TGFA: variants seen among roughly 807,000 people sequenced by gnomAD.
The protein encoded by TGFA is protransforming growth factor alpha.
In TGFA, 12 loss-of-function variants were observed where a neutral mutation model predicts 21.7. That is an observed-to-expected ratio of 0.55 (90% CI 0.35 to 0.90). The LOEUF is 0.90. Ranked by LOEUF, TGFA falls within the 40% of genes least tolerant of loss-of-function variation. The pLI is 0.01. For synonymous variants in TGFA, 79 were observed against 88.1 expected (o/e 0.90, Z 0.58); for missense variants, 178 against 210.8 (o/e 0.84, Z 0.96).
At chr2:70,476,997 A>G (rs1670954798) in intron 2 of TGFA, among the ~76,000 whole-genome samples, 1 of 152,044 alleles carries the variant, frequency 6.6e-6, no homozygotes, top group Non-Finnish European at 1.5e-5. Context: ...ATTTTTTTTT[A>G]TAAATTTTCG....
chr2:70,494,360 A>G (rs1175469185), intron 2 of TGFA, among the ~76,000 whole-genome samples: 11 of 152,330 alleles, frequency 7.2e-5, no homozygotes, highest in Non-Finnish European at 1.6e-4. Flanking sequence ...TTGGGGGACC[A>G]CAATTCAGCC....
rs1671165943 is a variant in TGFA at position 70,482,897 on chromosome 2, GT to G, written c.95-17162del. On this transcript the variant is annotated intron_variant, in intron 2 of 5. Transcript: ENST00000295400. ...GCACACCCAGGAGTCCCCCTTCTAG[GT>G]CAATGCGAATACATCAACAAATGTT... 2.0e-5 allele frequency among the ~76,000 whole-genome samples: 3 copies of G among 152,126 alleles called. No homozygotes were observed. The South Asian group carries it at 6.2e-4, about 31-fold the overall frequency.
intron 2 of TGFA, among the ~76,000 whole-genome samples, chr2:70,497,595 C>T (rs1164281433): frequency 1.3e-5 from 2 of 152,190 alleles, no homozygotes; most frequent in Non-Finnish European, 2.9e-5. Flanking sequence ...CATTGCATCC[C>T]AGCCCTGCTA....
chr2:70,478,867 T>C (rs1471027171), intron 2 of TGFA, among the ~76,000 whole-genome samples: 1 of 152,206 alleles, frequency 6.6e-6, no homozygotes, highest in Non-Finnish European at 1.5e-5. Context: ...TGATTTAGAA[T>C]ATAAATACTC....
chr2:70,505,867 GA>G (rs1671908560), intron 2 of TGFA, among the ~76,000 whole-genome samples: 1 of 152,166 alleles, frequency 6.6e-6, no homozygotes, highest in South Asian at 2.1e-4. Flanking sequence ...TACACATTCT[GA>G]TAACGTAATT....
chr2:70,454,141 T>C (rs1553490111), intron 4 of TGFA, among the ~76,000 whole-genome samples: 1 of 152,194 alleles, frequency 6.6e-6, no homozygotes, highest in East Asian at 1.9e-4. Flanking sequence ...AATTCGTATA[T>C]AATTTATGTA....
intron 2 of TGFA, among the ~76,000 whole-genome samples, chr2:70,505,433 C>T: frequency 6.6e-6 from 1 of 152,030 alleles, no homozygotes; most frequent in East Asian, 1.9e-4. Flanking sequence ...TATAGAGGCT[C>T]CTGTGGACTG....
At chr2:70,465,392 C>T (rs11466249) in intron 3 of TGFA, among the ~76,000 whole-genome samples, 7,078 of 152,200 alleles carry the variant, frequency 0.047, 253 homozygotes, top group Admixed American at 0.084. Context: ...TTGAACTTCC[C>T]GGGGTTCTGC....
intron 2 of TGFA, among the ~76,000 whole-genome samples, chr2:70,491,886 C>T (rs1671449248): frequency 6.6e-6 from 1 of 152,180 alleles, no homozygotes; most frequent in Non-Finnish European, 1.5e-5. Context: ...GCATAAAACC[C>T]ACCAAATGAG....
intron 1 of TGFA, among the ~76,000 whole-genome samples, chr2:70,523,446 T>C (rs185716362): frequency 6.6e-6 from 1 of 152,294 alleles, no homozygotes; most frequent in East Asian, 1.9e-4. Flanking sequence ...ATGCTCCCTA[T>C]TACAGCCCTT....
At chr2:70,456,191 A>T in intron 4 of TGFA, 148 bp downstream of exon 4, 1 of 1,164,592 alleles carries the variant, frequency 8.6e-7, no homozygotes. Context: ...GCCAACAGTC[A>T]TCAAAGTAGC....
At chr2:70,537,039 C>A (rs1672992008) in intron 1 of TGFA, among the ~76,000 whole-genome samples, 1 of 147,066 alleles carries the variant, frequency 6.8e-6, no homozygotes, top group South Asian at 2.3e-4. Flanking sequence ...TGGCATCTAT[C>A]CAACAGCAAG....
At chr2:70,455,029 G>A (rs1344861145) in intron 4 of TGFA, among the ~76,000 whole-genome samples, 1 of 152,144 alleles carries the variant, frequency 6.6e-6, no homozygotes, top group Non-Finnish European at 1.5e-5. Context: ...GCTTGCTCCT[G>A]CTCCTCGAGG....
intron 2 of TGFA, among the ~76,000 whole-genome samples, chr2:70,506,716 CTAT>C (rs1271331054): frequency 6.6e-6 from 1 of 152,148 alleles, no homozygotes; most frequent in Non-Finnish European, 1.5e-5. Context: ...ATGATAGGTA[CTAT>C]TATTATCCCC....
At chr2:70,511,482 A>G (rs1397884696) in intron 2 of TGFA, among the ~76,000 whole-genome samples, 1 of 152,236 alleles carries the variant, frequency 6.6e-6, no homozygotes, top group African/African-American at 2.4e-5. Context: ...GAAAAGAAAT[A>G]TAAGTAGAAT....
intron 3 of TGFA, among the ~76,000 whole-genome samples, chr2:70,462,015 T>TA (rs1264505756): frequency 7.9e-5 from 12 of 152,186 alleles, no homozygotes; most frequent in African/African-American, 2.9e-4. Context: ...GTTTAAGACT[T>TA]ACGATATTTT....
intron 2 of TGFA, among the ~76,000 whole-genome samples, chr2:70,481,577 A>G (rs949358211): frequency 1.3e-5 from 2 of 152,048 alleles, no homozygotes; most frequent in African/African-American, 4.8e-5. Context: ...GCTCCCAATG[A>G]TCCCTACCTC....
At chr2:70,533,071 T>G (rs1672863959) in intron 1 of TGFA, among the ~76,000 whole-genome samples, 1 of 151,972 alleles carries the variant, frequency 6.6e-6, no homozygotes, top group Admixed American at 6.6e-5. Context: ...TTTCACCATA[T>G]TGCCTGGTCT....
intron 1 of TGFA, among the ~76,000 whole-genome samples, chr2:70,534,278 A>G (rs1316382919): frequency 1.3e-5 from 2 of 152,264 alleles, no homozygotes; most frequent in Admixed American, 6.5e-5. Flanking sequence ...GCTATTAGCA[A>G]CTGTGCTCTC....
Sources: gnomAD v4.1 joint callset for allele counts (sites outside exome capture counted in the v4.1 genomes callset) on GRCh38, gnomAD v4.1.1 for gene constraint, MANE v1.5 for transcripts, NCBI Gene and HGNC (gene_info 2026-07-23, HGNC 2026-07-21) for gene names.